Variants in WDR64 observed in about 807,000 individuals in gnomAD.
WDR64 encodes WD repeat domain 64.
In WDR64, 112 loss-of-function variants were observed where a neutral mutation model predicts 139.3. That is an observed-to-expected ratio of 0.80 (90% CI 0.69 to 0.94). The LOEUF is 0.94. Among genes scored for constraint, WDR64 ranks in the 40% least tolerant of loss-of-function variants. The probability of loss-of-function intolerance (pLI) is 0.00; values close to 1 mark genes in which losing one functional copy is unlikely to be tolerated. For missense variants in WDR64, 1,206 were observed against 1,293.1 expected, an observed-to-expected ratio of 0.93 and a Z score of 1.03; for synonymous variants, 444 against 437.7, an observed-to-expected ratio of 1.01 and a Z score of -0.18.
intron 9 of WDR64, among the ~76,000 whole-genome samples, chr1:241,716,510 C>A (rs1235456710): frequency 1.3e-5 from 2 of 152,104 alleles, no homozygotes; most frequent in African/African-American, 4.8e-5. Flanking sequence ...TTTTGTTCAA[C>A]AAATATTTTC....
chr1:241,722,719 GAC>G (rs146711875), intron 9 of WDR64, among the ~76,000 whole-genome samples: 346 of 152,198 alleles, frequency 2.3e-3, no homozygotes, highest in African/African-American at 7.8e-3. Context: ...TGGAGGAAAA[GAC>G]ATTTTTATAA....
chr1:241,692,028 TAAAA>T (rs77284427), intron 8 of WDR64, among the ~76,000 whole-genome samples: 1 of 113,784 alleles, frequency 8.8e-6, no homozygotes, highest in Middle Eastern at 4.2e-3. Context: ...AATAAAAAAA[TAAAA>T]AAAAAAAAAA....
intron 21 of WDR64, among the ~76,000 whole-genome samples, chr1:241,778,485 GT>G (rs1475188342): frequency 6.6e-6 from 1 of 152,078 alleles, no homozygotes; most frequent in Non-Finnish European, 1.5e-5. Flanking sequence ...TATTTAGATT[GT>G]TGGCATCTAA....
chr1:241,656,189 G>T lies in WDR64; in HGVS notation c.145+3560G>T, dbSNP rs1023910129. Among the ~76,000 whole-genome samples the T allele has an allele frequency of 2.6e-5, 4 of 152,146 alleles. No individual in the cohort carries two copies. The highest frequency in any genetic ancestry group is 4.4e-5 in the Non-Finnish European group (3 of 68,032). ...AGGCAGAAATGTCATCTTCACTTTT[G>T]TCAGGCTGTTAATAATGTCTGGCAC... is the stretch of plus-strand genomic sequence containing the variant. On this transcript the variant is annotated intron_variant, in intron 1 of 27. Coordinates refer to ENST00000437684, the MANE Select transcript of WDR64 (RefSeq NM_001367482.1). This position sits in a 1 kb window ranked among gnomAD's most constrained non-coding sequence, Gnocchi z 4.3.
At chr1:241,713,796 A>T (rs1390350600) in intron 9 of WDR64, among the ~76,000 whole-genome samples, 3 of 152,184 alleles carry the variant, frequency 2.0e-5, no homozygotes, top group African/African-American at 7.2e-5. Flanking sequence ...CTATTATTTA[A>T]AAAAAGAAAG....
rs753582857 is a variant in WDR64 at position 241,711,822 on chromosome 1, T to C, written c.995T>C (p.Met332Thr). 13 of 1,614,192 alleles carry C rather than the reference T, an allele frequency of 8.1e-6. No individual in the cohort carries two copies. Among genetic ancestry groups the C allele is most frequent in the South Asian group, 1.1e-5 (1 of 91,080 alleles). ...TCCAGGCCTGTCAGAGAGTTTTCCA[T>C]GCCAAGAGGAGCCAACACTTTTTGC... is the stretch of plus-strand genomic sequence containing the variant. ...EDNLPVREFS[M>T]PRGANTFCYC... Residue 332 changes from methionine to threonine, a missense_variant, in exon 9 of 28, where the codon ATG (methionine) becomes ACG (threonine). Coordinates refer to ENST00000437684, the MANE Select transcript of WDR64 (RefSeq NM_001367482.1).
chr1:241,758,863 C>A (rs1670313276), intron 15 of WDR64, among the ~76,000 whole-genome samples: 1 of 152,080 alleles, frequency 6.6e-6, no homozygotes, highest in Non-Finnish European at 1.5e-5. Context: ...TTTAAAAAAC[C>A]ACTACCAGTA....
intron 27 of WDR64, among the ~76,000 whole-genome samples, chr1:241,800,229 T>C (rs375540229): frequency 6.6e-6 from 1 of 152,224 alleles, no homozygotes; most frequent in Non-Finnish European, 1.5e-5. Flanking sequence ...GGAGTACTCA[T>C]GTGACCTCTT....
intron 12 of WDR64, among the ~76,000 whole-genome samples, chr1:241,741,999 A>G (rs1465588762): frequency 6.6e-6 from 1 of 152,140 alleles, no homozygotes; most frequent in Non-Finnish European, 1.5e-5. Context: ...TTATGTTAAG[A>G]AGGAAGGGGA....
chr1:241,659,514 A>G (rs1665741485), intron 1 of WDR64, among the ~76,000 whole-genome samples: 1 of 152,170 alleles, frequency 6.6e-6, no homozygotes, highest in South Asian at 2.1e-4. Context: ...GAACTAATTT[A>G]CACTTCCATC....
chr1:241,707,899 C>T (rs1175124026), intron 8 of WDR64, among the ~76,000 whole-genome samples: 1 of 152,236 alleles, frequency 6.6e-6, no homozygotes, highest in Non-Finnish European at 1.5e-5. Flanking sequence ...TATTTAGCAA[C>T]AGAACACAGC....
chr1:241,793,565 C>G (rs1174917272), intron 25 of WDR64, among the ~76,000 whole-genome samples: 1 of 152,304 alleles, frequency 6.6e-6, no homozygotes, highest in African/African-American at 2.4e-5. Context: ...ATCTTCAATT[C>G]TTTTCAAATG....
chr1:241,782,015 G>A (rs1175511244), intron 22 of WDR64, among the ~76,000 whole-genome samples: 2 of 152,198 alleles, frequency 1.3e-5, no homozygotes, highest in Non-Finnish European at 2.9e-5. Context: ...GGCCAGACAC[G>A]GTGGCTCACG....
chr1:241,701,077 A>AT (rs1292543554), intron 8 of WDR64, among the ~76,000 whole-genome samples: 3 of 152,144 alleles, frequency 2.0e-5, no homozygotes, highest in Non-Finnish European at 1.5e-5. Flanking sequence ...AGATAGTAAT[A>AT]TTTTTTTATA....
intron 22 of WDR64, 26 bp from the exon 23 acceptor site, chr1:241,783,246 G>A (rs1658912074): frequency 6.3e-7 from 1 of 1,583,584 alleles, no homozygotes; most frequent in Non-Finnish European, 8.7e-7. Context: ...TTATTCCGAG[G>A]AATATGCCTT....
chr1:241,764,679 T>A (rs114092088), intron 15 of WDR64, among the ~76,000 whole-genome samples: 110 of 151,880 alleles, frequency 7.2e-4, no homozygotes, highest in African/African-American at 2.6e-3. Flanking sequence ...TTTACAATGA[T>A]AAAATAATAA....
intron 3 of WDR64, among the ~76,000 whole-genome samples, chr1:241,672,105 G>A (rs1213318443): frequency 6.6e-6 from 1 of 152,136 alleles, no homozygotes; most frequent in Admixed American, 6.6e-5. Flanking sequence ...AACTCCAGAG[G>A]TGGAGATTGC....
intron 13 of WDR64, among the ~76,000 whole-genome samples, chr1:241,748,894 C>T (rs1669869046): frequency 1.3e-5 from 2 of 149,130 alleles, no homozygotes; most frequent in African/African-American, 4.9e-5. Flanking sequence ...GAGCCGAGAT[C>T]GCCACTGCAC....
intron 8 of WDR64, among the ~76,000 whole-genome samples, chr1:241,705,574 T>TA (rs1353312003): frequency 4.2e-4 from 61 of 146,952 alleles, no homozygotes; most frequent in African/African-American, 1.2e-3. Context: ...ATAATAATAA[T>TA]AATAATAATA....
Sources: allele counts gnomAD v4.1 joint callset (sites outside exome capture counted in the v4.1 genomes callset), GRCh38; gene constraint gnomAD v4.1.1; non-coding constraint Gnocchi (gnomAD v3.1); transcripts MANE v1.5; gene names NCBI Gene and HGNC (gene_info 2026-07-23, HGNC 2026-07-21).